The following NTM variants were observed in gnomAD, a reference collection of about 807,000 sequenced individuals.
NTM encodes the protein IgLON family member 2.
A neutral mutation model predicts 42.1 loss-of-function variants in NTM; 13 were observed. The ratio of observed to expected loss-of-function variants is 0.31; its 90% CI spans 0.20 to 0.49. The LOEUF (loss-of-function observed/expected upper bound fraction) is 0.49, where lower values mean the gene tolerates loss of function less well. Ranked by LOEUF, NTM falls within the 20% of genes least tolerant of loss-of-function variation. The pLI is 0.99. For synonymous variants in NTM, 187 were observed against 179.2 expected (o/e 1.04, Z -0.35); for missense variants, 373 against 452.8 (o/e 0.82, Z 1.60).
At chr11:131,816,189 C>T (rs933196782) in intron 1 of NTM, among the ~76,000 whole-genome samples, 1 of 152,142 alleles carries the variant, frequency 6.6e-6, no homozygotes, top group East Asian at 1.9e-4. Flanking sequence ...CTGGATCACA[C>T]CAAGTGAATC....
intron 1 of NTM, among the ~76,000 whole-genome samples, chr11:131,620,859 G>A (rs963359909): frequency 6.6e-6 from 1 of 152,144 alleles, no homozygotes; most frequent in African/African-American, 2.4e-5. Context: ...AGTTTTGTCT[G>A]TCGGTCCACT....
chr11:132,168,711 A>AT (rs1057278283), intron 3 of NTM, among the ~76,000 whole-genome samples: 4 of 152,228 alleles, frequency 2.6e-5, no homozygotes, highest in South Asian at 2.1e-4. Flanking sequence ...GACTCTTCTC[A>AT]TTTTTTTGGC....
intron 4 of NTM, among the ~76,000 whole-genome samples, chr11:132,216,090 GT>G (rs1335295646): frequency 3.9e-5 from 6 of 152,228 alleles, no homozygotes; most frequent in Admixed American, 1.3e-4. Flanking sequence ...TCAAGAATGT[GT>G]TTTTTAGCAC....
chr11:132,023,029 GCT>G (rs2307885), intron 2 of NTM, among the ~76,000 whole-genome samples: 57,123 of 151,970 alleles, frequency 0.38, 11,226 homozygotes, highest in African/African-American at 0.49. Flanking sequence ...TCCATGTGAA[GCT>G]CATGGGAAGA....
At chr11:131,981,906 G>T (rs1163994151) in intron 2 of NTM, among the ~76,000 whole-genome samples, 1 of 151,980 alleles carries the variant, frequency 6.6e-6, no homozygotes, top group Non-Finnish European at 1.5e-5. Flanking sequence ...CAGCTACTTG[G>T]GACGCTGAGG....
At chr11:131,904,555 A>C (rs896571411) in intron 1 of NTM, among the ~76,000 whole-genome samples, 2 of 152,208 alleles carry the variant, frequency 1.3e-5, no homozygotes, top group Admixed American at 6.5e-5. Flanking sequence ...TGATTTGTTT[A>C]AGATGGAGAC....
intron 1 of NTM, among the ~76,000 whole-genome samples, chr11:131,407,579 G>C (rs1277106826): frequency 6.6e-6 from 1 of 152,190 alleles, no homozygotes; most frequent in Non-Finnish European, 1.5e-5. Flanking sequence ...CCACAGAAAG[G>C]CTGAAAGTGG....
At chr11:131,689,877 T>C (rs751770257) in intron 1 of NTM, among the ~76,000 whole-genome samples, 5 of 152,208 alleles carry the variant, frequency 3.3e-5, no homozygotes, top group Admixed American at 6.5e-5. Context: ...TTATTACTGG[T>C]CGTATACCTA....
intron 1 of NTM, among the ~76,000 whole-genome samples, chr11:131,384,566 AG>A (rs1943079361): frequency 4.7e-4 from 2 of 4,258 alleles, no homozygotes; most frequent in East Asian, 6.7e-3. Flanking sequence ...TAATTTAAAG[AG>A]AGAGAGAGAG....
chr11:131,759,297 G>A (rs1477829494), intron 1 of NTM, among the ~76,000 whole-genome samples: 2 of 152,134 alleles, frequency 1.3e-5, no homozygotes, highest in African/African-American at 2.4e-5. Flanking sequence ...AATTAATTCC[G>A]TGTTCATCGT....
At chr11:132,044,632 G>A (rs1775273771) in intron 2 of NTM, among the ~76,000 whole-genome samples, 1 of 152,060 alleles carries the variant, frequency 6.6e-6, no homozygotes, top group Non-Finnish European at 1.5e-5. Flanking sequence ...TGATAGGAAC[G>A]AGCCTCCACA....
At chr11:132,089,322 C>G (rs377653437) in intron 2 of NTM, among the ~76,000 whole-genome samples, 2 of 152,130 alleles carry the variant, frequency 1.3e-5, no homozygotes, top group African/African-American at 4.8e-5. Context: ...CTGGCAAAGC[C>G]TTGTTTCAAT....
At chr11:132,278,775 C>CTCTT (rs1161479488) in intron 4 of NTM, among the ~76,000 whole-genome samples, 3 of 130,906 alleles carry the variant, frequency 2.3e-5, no homozygotes, top group South Asian at 2.4e-4. Flanking sequence ...CTCTCTCTCT[C>CTCTT]TCTCTCTCTT....
intron 1 of NTM, among the ~76,000 whole-genome samples, chr11:131,611,071 C>A (rs374063453): frequency 6.6e-6 from 1 of 151,744 alleles, no homozygotes; most frequent in Non-Finnish European, 1.5e-5. Flanking sequence ...GGGAAAGAGG[C>A]GTGGAGGAGG....
At chr11:132,128,344 A>C (rs557681112) in intron 2 of NTM, among the ~76,000 whole-genome samples, 1 of 152,266 alleles carries the variant, frequency 6.6e-6, no homozygotes, top group South Asian at 2.1e-4. Context: ...TCTTTTGAAT[A>C]TGCATACACA....
chr11:131,801,495 G>A (rs1392369155), intron 1 of NTM, among the ~76,000 whole-genome samples: 1 of 152,196 alleles, frequency 6.6e-6, no homozygotes, highest in Admixed American at 6.5e-5. Context: ...CTTGGAGACA[G>A]AGCCTGTGGC....
At chr11:131,784,165 T>C (rs2088698350) in intron 1 of NTM, among the ~76,000 whole-genome samples, 1 of 152,166 alleles carries the variant, frequency 6.6e-6, no homozygotes, top group Admixed American at 6.5e-5. Context: ...TGGGAACAAG[T>C]CAAATTCTCA....
At chr11:132,131,104 T>C (rs889444947) in intron 2 of NTM, among the ~76,000 whole-genome samples, 1 of 152,260 alleles carries the variant, frequency 6.6e-6, no homozygotes, top group African/African-American at 2.4e-5. Context: ...TCTGCTGCAT[T>C]CTCCGTTCTC....
intron 1 of NTM, among the ~76,000 whole-genome samples, chr11:131,698,496 T>A (rs1021371882): frequency 6.6e-6 from 1 of 152,132 alleles, no homozygotes; most frequent in African/African-American, 2.4e-5. Context: ...AACAACACGA[T>A]GAGGCAGATG....
Sources: gnomAD v4.1 joint callset for allele counts (sites outside exome capture counted in the v4.1 genomes callset) on GRCh38, gnomAD v4.1.1 for gene constraint, MANE v1.5 for transcripts, NCBI Gene and HGNC (gene_info 2026-07-23, HGNC 2026-07-21) for gene names.